INSYN2A: variants seen among roughly 807,000 people sequenced by gnomAD.
The protein encoded by INSYN2A is inhibitory synaptic factor 2A.
INSYN2A carries 17 observed loss-of-function variants against 39.4 expected under a neutral mutation model. The ratio of observed to expected loss-of-function variants is 0.43; its 90% CI spans 0.30 to 0.65. INSYN2A has a LOEUF of 0.65. Ranked by LOEUF, INSYN2A falls within the 30% of genes least tolerant of loss-of-function variation. The probability of loss-of-function intolerance (pLI) is 0.14; values close to 1 mark genes in which losing one functional copy is unlikely to be tolerated. For missense variants in INSYN2A, 595 were observed against 631.2 expected, an observed-to-expected ratio of 0.94 and a Z score of 0.61; for synonymous variants, 255 against 265.7, an observed-to-expected ratio of 0.96 and a Z score of 0.39.
chr10:127,170,402 A>C (rs1228661385), intron 4 of INSYN2A, among the ~76,000 whole-genome samples: 2 of 152,174 alleles, frequency 1.3e-5, no homozygotes, highest in East Asian at 3.9e-4. Flanking sequence ...CCATAGAAGA[A>C]TCTGCTTCAC....
chr10:127,181,903 T>G (rs1265627090), intron 2 of INSYN2A, among the ~76,000 whole-genome samples: 1 of 152,238 alleles, frequency 6.6e-6, no homozygotes, highest in African/African-American at 2.4e-5. Context: ...CCATAGATGG[T>G]GGACTGTGTC....
intron 4 of INSYN2A, among the ~76,000 whole-genome samples, chr10:127,160,749 G>A (rs975125371): frequency 6.6e-6 from 1 of 152,150 alleles, no homozygotes; most frequent in African/African-American, 2.4e-5. Context: ...AAAAAGGCAT[G>A]GTCTCTGCTC....
chr10:127,182,185 T>C (rs1224171144), intron 2 of INSYN2A, among the ~76,000 whole-genome samples: 1 of 152,010 alleles, frequency 6.6e-6, no homozygotes, highest in Non-Finnish European at 1.5e-5. Flanking sequence ...GACCACCTAG[T>C]CCAAAGCAGG....
intron 4 of INSYN2A, among the ~76,000 whole-genome samples, chr10:127,167,386 A>T (rs1405656713): frequency 6.6e-6 from 1 of 152,182 alleles, no homozygotes; most frequent in African/African-American, 2.4e-5. Context: ...ACAGAGACCA[A>T]CTCTAGCATT....
At chr10:127,145,787 T>TA (rs2051764857) in intron 5 of INSYN2A, 2 of 312,966 alleles carry the variant, frequency 6.4e-6, no homozygotes, top group Non-Finnish European at 1.3e-5. Flanking sequence ...TCCATCCTGA[T>TA]ACCCATTGAG....
chr10:127,146,833 C>T (rs1181629461), intron 5 of INSYN2A, among the ~76,000 whole-genome samples: 4 of 152,170 alleles, frequency 2.6e-5, no homozygotes, highest in Non-Finnish European at 4.4e-5. Flanking sequence ...CTGGAATTGG[C>T]ACGGATTCTG....
intron 4 of INSYN2A, among the ~76,000 whole-genome samples, chr10:127,155,183 C>T (rs998710984): frequency 6.6e-6 from 1 of 152,082 alleles, no homozygotes; most frequent in African/African-American, 2.4e-5. Context: ...ACTTTTTATC[C>T]CCTTTGCTGT....
At chr10:127,140,295 G>A (rs906527225) in intron 5 of INSYN2A, among the ~76,000 whole-genome samples, 1 of 152,094 alleles carries the variant, frequency 6.6e-6, no homozygotes, top group Non-Finnish European at 1.5e-5. Flanking sequence ...AAAATGACTC[G>A]ACTTTATCTG....
intron 5 of INSYN2A, among the ~76,000 whole-genome samples, chr10:127,150,244 G>A (rs573032588): frequency 6.6e-6 from 1 of 152,296 alleles, no homozygotes; most frequent in East Asian, 1.9e-4. Context: ...TTCTACCGAA[G>A]AAACTTCTAT....
chr10:127,148,229 A>G (rs1318520350), intron 5 of INSYN2A, among the ~76,000 whole-genome samples: 1 of 152,098 alleles, frequency 6.6e-6, no homozygotes, highest in Non-Finnish European at 1.5e-5. Context: ...CTGCAGAATT[A>G]TTAGTGTCAC....
intron 5 of INSYN2A, among the ~76,000 whole-genome samples, chr10:127,149,346 G>A (rs902704701): frequency 1.3e-5 from 2 of 152,174 alleles, no homozygotes; most frequent in Non-Finnish European, 1.5e-5. Context: ...TTCGCTTGTC[G>A]TACTGGTGGT....
chr10:127,174,295 C>G (rs924597047), intron 4 of INSYN2A, among the ~76,000 whole-genome samples: 5 of 152,152 alleles, frequency 3.3e-5, no homozygotes, highest in African/African-American at 1.2e-4. Context: ...CAGACACTTT[C>G]AAGGGGCAAT....
chr10:127,166,366 A>C (rs2054089357), intron 4 of INSYN2A, among the ~76,000 whole-genome samples: 1 of 151,716 alleles, frequency 6.6e-6, no homozygotes. Context: ...CGCCCGGCCC[A>C]AAAAAATGCC....
chr10:127,192,270 T>C (rs920364415), intron 2 of INSYN2A, among the ~76,000 whole-genome samples: 1 of 152,214 alleles, frequency 6.6e-6, no homozygotes. Context: ...TCACAAATAA[T>C]GACTTTGGGG....
At position 127,177,928 on chromosome 10, in the gene INSYN2A, A is replaced by C. The variant is rs2055333402; in HGVS notation, c.-268-789T>G. Among the ~76,000 whole-genome samples, 3 of 152,188 alleles carry C rather than the reference A, an allele frequency of 2.0e-5. No individual in the cohort carries two copies. In the South Asian group the frequency reaches 6.2e-4, roughly 32 times the overall value. Reference sequence around the variant, plus strand: ...CATTTTTCGGTGTCACACAGGAAATAAGCAGCGCAGGCAGGAGCAGGACCC... The same window carrying C: ...CATTTTTCGGTGTCACACAGGAAATCAGCAGCGCAGGCAGGAGCAGGACCC... On this transcript the variant is annotated intron_variant, in intron 2 of 5. Coordinates refer to ENST00000522781, the MANE Select transcript of INSYN2A (RefSeq NM_001039762.3).
At position 127,175,640 on chromosome 10, in the gene INSYN2A, C is replaced by G. The variant is rs1379599262; in HGVS notation, c.756G>C (p.Glu252Asp). The G allele has an allele frequency of 5.0e-6, 8 of 1,613,322 alleles. No homozygotes were observed. The East Asian group carries it at 1.6e-4, about 31-fold the overall frequency. ...GGGCAGGTGCGTAAACGGTGGCAACCTCCGTTTTAAACACCCTCCTGAGGG... is the reference window on the plus strand; with the variant it reads ...GGGCAGGTGCGTAAACGGTGGCAACGTCCGTTTTAAACACCCTCCTGAGGG... ...PPALRRVFKT[E>D]VATVYAPALS... Residue 252 changes from glutamate to aspartate, a missense_variant, in exon 4 of 6, where the codon GAG becomes GAC. This residue lies in a region of INSYN2A where 478 missense variants were observed against 467.4 expected (regional missense o/e 1.02). Coordinates refer to ENST00000522781, the MANE Select transcript of INSYN2A (RefSeq NM_001039762.3). The surrounding 1 kb of genome is among the most constrained non-coding windows in gnomAD (Gnocchi z 6.3).
intron 4 of INSYN2A, among the ~76,000 whole-genome samples, chr10:127,156,566 T>A (rs2053095053): frequency 7.3e-6 from 1 of 136,658 alleles, no homozygotes; most frequent in Non-Finnish European, 1.6e-5. Context: ...CTTCTTCTTT[T>A]TTTTTTTTTT....
At chr10:127,183,350 G>A (rs1015014591) in intron 2 of INSYN2A, among the ~76,000 whole-genome samples, 1 of 152,104 alleles carries the variant, frequency 6.6e-6, no homozygotes, top group African/African-American at 2.4e-5. Context: ...CCATCAACTC[G>A]ACCATCAGAA....
chr10:127,186,574 A>G (rs1466972710), intron 2 of INSYN2A, among the ~76,000 whole-genome samples: 1 of 136,122 alleles, frequency 7.3e-6, no homozygotes, highest in Non-Finnish European at 1.5e-5. Context: ...GGGATTATGG[A>G]GATTACAATT....
Sources: gnomAD v4.1 joint callset for allele counts (sites outside exome capture counted in the v4.1 genomes callset) on GRCh38, gnomAD v4.1.1 for gene constraint, gnomAD v4.1.1 regional missense constraint, Gnocchi (gnomAD v3.1) non-coding constraint, MANE v1.5 for transcripts, NCBI Gene and HGNC (gene_info 2026-07-23, HGNC 2026-07-21) for gene names.